Variants in DTNA observed in about 807,000 individuals in gnomAD.
DTNA encodes dystrophin-related protein 3.
In DTNA, 43 loss-of-function variants were observed where a neutral mutation model predicts 100.7. The observed-to-expected ratio is 0.43, with a 90% CI of 0.33 to 0.55. The LOEUF is 0.55. Ranked by LOEUF, DTNA falls within the 20% of genes least tolerant of loss-of-function variation. The pLI is 0.04. For synonymous variants in DTNA, 349 were observed against 347.9 expected, an observed-to-expected ratio of 1.00 and a Z score of -0.04; for missense variants, 798 against 953.9, an observed-to-expected ratio of 0.84 and a Z score of 2.15.
intron 1 of DTNA, among the ~76,000 whole-genome samples, chr18:34,575,998 G>A (rs891024821): frequency 6.6e-6 from 1 of 152,146 alleles, no homozygotes; most frequent in Non-Finnish European, 1.5e-5. Context: ...GAAATTTTAA[G>A]TTTTTCTTCA....
chr18:34,622,495 A>G (rs2056684110), intron 1 of DTNA, among the ~76,000 whole-genome samples: 1 of 152,182 alleles, frequency 6.6e-6, no homozygotes, highest in Admixed American at 6.5e-5. Flanking sequence ...AACTTGATAA[A>G]GCATTATTTT....
intron 1 of DTNA, among the ~76,000 whole-genome samples, chr18:34,690,779 A>G (rs932920457): frequency 6.6e-6 from 1 of 152,202 alleles, no homozygotes; most frequent in Non-Finnish European, 1.5e-5. Context: ...CACACTATTA[A>G]TACTTTCTAA....
chr18:34,534,586 A>G lies in DTNA; in HGVS notation c.-2+41072A>G, dbSNP rs144504114. Among the ~76,000 whole-genome samples, 39 of 151,972 alleles carry G rather than the reference A, an allele frequency of 2.6e-4. 1 individual carries two copies. In the East Asian group the frequency reaches 4.5e-3, roughly 18 times the overall value. Reference sequence around the variant, plus strand: ...GGTTTGCTGCACCTATCAACCCATCATCTAGGTTTTAAGCCCCATATGCAT... The same window carrying G: ...GGTTTGCTGCACCTATCAACCCATCGTCTAGGTTTTAAGCCCCATATGCAT... On this transcript the variant is annotated intron_variant, in intron 1 of 19. Coordinates refer to the DTNA transcript ENST00000283365.
intron 1 of DTNA, among the ~76,000 whole-genome samples, chr18:34,582,927 A>G (rs999755837): frequency 6.6e-6 from 1 of 152,196 alleles, no homozygotes; most frequent in Non-Finnish European, 1.5e-5. Context: ...AAATTAGTTC[A>G]CTATTAGATT....
chr18:34,674,003 C>G (rs1568186191), intron 1 of DTNA, among the ~76,000 whole-genome samples: 5 of 152,204 alleles, frequency 3.3e-5, no homozygotes, highest in Admixed American at 3.3e-4. Context: ...GAAGTACACA[C>G]ATGTTTCTGC....
At chr18:34,797,029 G>A (rs762002787) in intron 4 of DTNA, among the ~76,000 whole-genome samples, 2 of 152,102 alleles carry the variant, frequency 1.3e-5, no homozygotes, top group Admixed American at 6.5e-5. Flanking sequence ...CTCTCTGCTC[G>A]TTGGCAAGTC....
intron 2 of DTNA, among the ~76,000 whole-genome samples, chr18:34,759,340 C>A (rs1241864191): frequency 6.6e-6 from 1 of 152,210 alleles, no homozygotes; most frequent in African/African-American, 2.4e-5. Context: ...TCTCAGAGCA[C>A]ATTTACTTAG....
At chr18:34,753,815 A>G (rs927853446) in intron 1 of DTNA, among the ~76,000 whole-genome samples, 1 of 152,180 alleles carries the variant, frequency 6.6e-6, no homozygotes, top group African/African-American at 2.4e-5. Context: ...ATTGGAAGCT[A>G]TATTCATACT....
chr18:34,786,608 T>A (rs2094517509), intron 3 of DTNA, among the ~76,000 whole-genome samples: 1 of 151,988 alleles, frequency 6.6e-6, no homozygotes, highest in Non-Finnish European at 1.5e-5. Flanking sequence ...TGAGGGAGCA[T>A]GCGCATGGAT....
At chr18:34,870,712 C>T (rs907967498) in intron 17 of DTNA, among the ~76,000 whole-genome samples, 1 of 152,106 alleles carries the variant, frequency 6.6e-6, no homozygotes, top group African/African-American at 2.4e-5. Flanking sequence ...GCCAGCCTGA[C>T]ACCAGAGCCA....
intron 1 of DTNA, among the ~76,000 whole-genome samples, chr18:34,730,387 T>TG (rs1355867130): frequency 6.6e-6 from 1 of 152,194 alleles, no homozygotes; most frequent in African/African-American, 2.4e-5. Flanking sequence ...ACACAGTTGT[T>TG]GGGGGCTCTG....
At chr18:34,578,159 T>C (rs917476236) in intron 1 of DTNA, among the ~76,000 whole-genome samples, 1 of 152,070 alleles carries the variant, frequency 6.6e-6, no homozygotes, top group African/African-American at 2.4e-5. Context: ...TTTTTTATTA[T>C]GGCCATTCTT....
At chr18:34,706,213 G>T (rs1344092943), upstream of DTNA, among the ~76,000 whole-genome samples, 1 of 152,154 alleles carries the variant, frequency 6.6e-6, no homozygotes, top group Non-Finnish European at 1.5e-5. Flanking sequence ...CTCCCAAAGT[G>T]CTGGGATTAC....
chr18:34,734,306 AT>A, intron 1 of DTNA, among the ~76,000 whole-genome samples: 1 of 152,182 alleles, frequency 6.6e-6, no homozygotes, highest in Non-Finnish European at 1.5e-5. Context: ...CAGGGAGGGG[AT>A]GTTGACTCTA....
At chr18:34,516,493 T>C (rs2041632508) in intron 1 of DTNA, among the ~76,000 whole-genome samples, 1 of 151,952 alleles carries the variant, frequency 6.6e-6, no homozygotes, top group Non-Finnish European at 1.5e-5. Flanking sequence ...AGGCAGGAAT[T>C]TCCTAATCCT....
At chr18:34,841,945 GAT>G (rs2096276285) in intron 13 of DTNA, among the ~76,000 whole-genome samples, 1 of 152,180 alleles carries the variant, frequency 6.6e-6, no homozygotes, top group South Asian at 2.1e-4. Flanking sequence ...GGTTCTGTCA[GAT>G]AAGTCAAATA....
At chr18:34,877,602 G>A (rs931811833) in intron 18 of DTNA, 117 bp from the exon 19 acceptor site, 2 of 819,420 alleles carry the variant, frequency 2.4e-6, no homozygotes, top group Non-Finnish European at 3.9e-6. Flanking sequence ...TTCTGAAAAG[G>A]AGAAGTCTTA....
At chr18:34,778,480 G>A (rs948185186) in intron 3 of DTNA, among the ~76,000 whole-genome samples, 1 of 152,116 alleles carries the variant, frequency 6.6e-6, no homozygotes, top group South Asian at 2.1e-4. Context: ...CCATTTAACT[G>A]TATGGTTCAG....
chr18:34,534,023 T>A (rs2043424368), intron 1 of DTNA, among the ~76,000 whole-genome samples: 1 of 152,112 alleles, frequency 6.6e-6, no homozygotes, highest in African/African-American at 2.4e-5. Context: ...AACCTCACTT[T>A]TATCAGAGTT....
Sources: gnomAD v4.1 joint callset for allele counts (sites outside exome capture counted in the v4.1 genomes callset) on GRCh38, gnomAD v4.1.1 for gene constraint, MANE v1.5 for transcripts, NCBI Gene and HGNC (gene_info 2026-07-23, HGNC 2026-07-21) for gene names.